Variants in WDR76 observed in about 807,000 individuals in gnomAD.
WDR76 encodes the protein WD repeat-containing protein 76.
In WDR76, 52 loss-of-function variants were observed where a neutral mutation model predicts 70.2. The ratio of observed to expected loss-of-function variants is 0.74; its 90% CI spans 0.59 to 0.93. The LOEUF is 0.93. Among genes scored for constraint, WDR76 ranks in the 40% least tolerant of loss-of-function variants. The pLI is 0.00. For missense variants in WDR76, 756 were observed against 760.2 expected (o/e 0.99, Z 0.07); for synonymous variants, 292 against 271.1 (o/e 1.08, Z -0.76).
At chr15:43,859,614 A>G (rs780269278) in intron 11 of WDR76, among the ~76,000 whole-genome samples, 1 of 152,040 alleles carries the variant, frequency 6.6e-6, no homozygotes, top group Non-Finnish European at 1.5e-5. Context: ...ACAGGTGTCT[A>G]GTTAGTTTCT....
chr15:43,834,143 C>A (rs558734292), intron 2 of WDR76, among the ~76,000 whole-genome samples: 1 of 151,928 alleles, frequency 6.6e-6, no homozygotes, highest in Non-Finnish European at 1.5e-5. Context: ...TCTTTTCTTA[C>A]AGTATTTTGC....
In WDR76 at chr15:43,867,237, C is replaced by T. The variant is rs1024860041; in HGVS notation, c.*845C>T. ...GCTGAGCAGCTTTGGTTACCCAGGG[C>T]GGGGTCTGGGTCTGTCTGTACTTTG... On this transcript the variant is annotated 3_prime_UTR_variant, in exon 13 of 13. Coordinates refer to ENST00000263795, the MANE Select transcript of WDR76 (RefSeq NM_024908.4). 2.6e-5 allele frequency: 4 copies of T among 151,926 alleles called. No homozygotes were observed. Among genetic ancestry groups the T allele is most frequent in the African/African-American group, 9.7e-5 (4 of 41,360 alleles). 9.4% of individuals were successfully genotyped at this position (151,926 alleles called of 1,614,324 possible).
At chr15:43,850,992 C>T (rs879170433) in intron 8 of WDR76, 95 bp from the exon 9 acceptor site, 1 of 1,409,658 alleles carries the variant, frequency 7.1e-7, no homozygotes, top group South Asian at 1.4e-5. Flanking sequence ...TGAATATAAT[C>T]CAGTGTAAAT....
chr15:43,860,524 G>T (rs2087982577), intron 11 of WDR76, among the ~76,000 whole-genome samples: 1 of 152,048 alleles, frequency 6.6e-6, no homozygotes. Context: ...TCTCTTTGTT[G>T]CCCAGGCTGG....
chr15:43,827,255 C>A, intron 1 of WDR76, 163 bp downstream of exon 1: 2 of 768,750 alleles, frequency 2.6e-6, no homozygotes, highest in Non-Finnish European at 4.1e-6. Flanking sequence ...TATCAATAAC[C>A]CGAGAAATAG....
chr15:43,844,059 G>C lies in WDR76; in HGVS notation c.1032+5G>C. The C allele has an allele frequency of 6.2e-7, 1 of 1,612,018 alleles. No homozygotes were observed. On this transcript the variant is annotated splice_donor_5th_base_variant and intron_variant, in intron 8 of 12. Transcript: ENST00000263795. Reference sequence around the variant, plus strand: ...CAAGTTGGACTTTGTGATTTGGTAAGTTATTAAATTTCTTGAATATATTAT... The same window carrying C: ...CAAGTTGGACTTTGTGATTTGGTAACTTATTAAATTTCTTGAATATATTAT...
chr15:43,854,981 C>T (rs1010368274), intron 9 of WDR76, among the ~76,000 whole-genome samples: 1 of 151,572 alleles, frequency 6.6e-6, no homozygotes, highest in Non-Finnish European at 1.5e-5. Context: ...TTTTCCATTT[C>T]CCTCAAGATT....
At chr15:43,828,832 G>A (rs3759790) in intron 2 of WDR76, among the ~76,000 whole-genome samples, 28,262 of 151,868 alleles carry the variant, frequency 0.19, 3,965 homozygotes, top group African/African-American at 0.39. Flanking sequence ...GACAGAGTAG[G>A]TAAGATACAT....
intron 2 of WDR76, among the ~76,000 whole-genome samples, chr15:43,828,824 CAG>C (rs981799028): frequency 7.9e-5 from 12 of 151,986 alleles, no homozygotes; most frequent in African/African-American, 2.2e-4. Context: ...AGACAAATGA[CAG>C]AGTAGGTAAG....
intron 9 of WDR76, among the ~76,000 whole-genome samples, chr15:43,855,854 A>T (rs1436872955): frequency 6.6e-6 from 1 of 152,028 alleles, no homozygotes; most frequent in Non-Finnish European, 1.5e-5. Flanking sequence ...GTCTCAAAAA[A>T]AAAAAAAACA....
At chr15:43,829,499 CTTTTTTT>C (rs34835269) in intron 2 of WDR76, among the ~76,000 whole-genome samples, 3 of 57,968 alleles carry the variant, frequency 5.2e-5, no homozygotes, top group African/African-American at 1.7e-4. Context: ...AGCATGGCCA[CTTTTTTT>C]TTTTTTTTTT....
chr15:43,828,476 T>C, intron 2 of WDR76, 110 bp downstream of exon 2: 2 of 964,176 alleles, frequency 2.1e-6, no homozygotes, highest in Non-Finnish European at 3.0e-6. Context: ...TATTTCATCA[T>C]CTAATGTAAG....
At chr15:43,852,611 C>T (rs1455423037) in intron 9 of WDR76, among the ~76,000 whole-genome samples, 1 of 151,846 alleles carries the variant, frequency 6.6e-6, no homozygotes, top group Non-Finnish European at 1.5e-5. Flanking sequence ...ACCTTGTAAT[C>T]CACCTGCCTC....
At chr15:43,834,886 G>T (rs2087635677) in intron 2 of WDR76, among the ~76,000 whole-genome samples, 175 bp from the exon 3 acceptor site, 1 of 152,122 alleles carries the variant, frequency 6.6e-6, no homozygotes, top group African/African-American at 2.4e-5. Flanking sequence ...CCCAAATCCA[G>T]ACTTACTGAA....
intron 2 of WDR76, 107 bp from the exon 3 acceptor site, chr15:43,834,954 C>A: frequency 1.1e-6 from 1 of 895,122 alleles, no homozygotes; most frequent in Non-Finnish European, 1.7e-6. Context: ...AGAGATAGTA[C>A]AATTTGAAGT....
Position 43,856,191 on chromosome 15 carries a change from G to GTGGA in WDR76, c.1192-753_1192-750dup, listed in dbSNP as rs576512647. Among the ~76,000 whole-genome samples the GTGGA allele has an allele frequency of 3.9e-5, 6 of 152,152 alleles. No homozygotes were observed. In the South Asian group the frequency reaches 1.2e-3, roughly 32 times the overall value. On this transcript the variant is annotated intron_variant, in intron 9 of 12. Transcript: ENST00000263795. ...CATTTATTTAACCAGATCTCTCTTG[G>GTGGA]TGGATATTTATGTTGCTTCTTATTG...
intron 10 of WDR76, chr15:43,857,656 C>A (rs138354922): frequency 1.1e-4 from 40 of 367,514 alleles, no homozygotes; most frequent in African/African-American, 8.4e-4. Flanking sequence ...CCTGTCTCTA[C>A]TAAAAATACA....
chr15:43,839,608 G>A lies in WDR76; in HGVS notation c.612G>A (p.Lys204=). 3 of 1,606,120 alleles carry A rather than the reference G, an allele frequency of 1.9e-6. No individual in the cohort carries two copies. The highest frequency in any genetic ancestry group is 1.1e-5 in the South Asian group (1 of 89,064). The change falls in exon 5 of 13, where the codon AAG becomes AAA. Residue 204 remains lysine (K), a synonymous_variant. Coordinates refer to ENST00000263795, the MANE Select transcript of WDR76 (RefSeq NM_024908.4). ...EKRQPPKSKR[K]KPKRENGIGC... is the part of the protein sequence containing the mutation. ...GAGTTTTTCCCCACTCCTTTAGAAA[G>A]AAGCCTAAGAGAGAAAATGGGATTG...
rs949452309 is a variant in WDR76, at chr15:43,832,558, GTC to G, written c.463-2500_463-2499del. On this transcript the variant is annotated intron_variant, in intron 2 of 12. Transcript: ENST00000263795. ...CCTTCTAGGTTCAAGCGATTCTCCT[GTC>G]TCAGCTTCCTGAGTAGCTAGGACTA... is the stretch of plus-strand genomic sequence containing the variant. Among the ~76,000 whole-genome samples the G allele has an allele frequency of 1.5e-4, 22 of 151,692 alleles. 1 individual carries two copies. The highest frequency in any genetic ancestry group is 9.2e-4 in the Admixed American group (14 of 15,158).
Sources: allele counts gnomAD v4.1 joint callset (sites outside exome capture counted in the v4.1 genomes callset), GRCh38; gene constraint gnomAD v4.1.1; transcripts MANE v1.5; gene names NCBI Gene and HGNC (gene_info 2026-07-23, HGNC 2026-07-21).